The following CD8B2 variants were observed in gnomAD, a reference collection of about 807,000 sequenced individuals.
CD8B2 encodes the protein T-cell surface glycoprotein CD8 beta-2 chain.
CD8B2 carries 11 observed loss-of-function variants against 23.7 expected under a neutral mutation model. The observed-to-expected ratio is 0.46, with a 90% CI of 0.29 to 0.77. The LOEUF is 0.77. Ranked by LOEUF, CD8B2 falls within the 30% of genes least tolerant of loss-of-function variation. The pLI, the probability that CD8B2 is intolerant of heterozygous loss-of-function variation, is 0.09. For missense variants in CD8B2, 197 were observed against 270.5 expected (o/e 0.73, Z 1.91); for synonymous variants, 90 against 109.3 (o/e 0.82, Z 1.10).
At chr2:106,518,160 C>T (rs572412175) in intron 5 of CD8B2, among the ~76,000 whole-genome samples, 1 of 152,232 alleles carries the variant, frequency 6.6e-6, no homozygotes, top group East Asian at 1.9e-4. Flanking sequence ...AGGTAGTAAA[C>T]ATTTATTTGA....
chr2:106,529,772 C>T (rs961278966), intron 5 of CD8B2, among the ~76,000 whole-genome samples: 14 of 152,136 alleles, frequency 9.2e-5, no homozygotes, highest in African/African-American at 3.4e-4. Context: ...TGAACAGGCT[C>T]AAAAGAAGAT....
chr2:106,497,413 TAC>T (rs919165382), intron 3 of CD8B2, among the ~76,000 whole-genome samples: 56 of 151,922 alleles, frequency 3.7e-4, no homozygotes, highest in African/African-American at 1.3e-3. Flanking sequence ...TGTACGCACA[TAC>T]ACACACACAC....
At chr2:106,529,732 G>T (rs1218293416) in intron 5 of CD8B2, among the ~76,000 whole-genome samples, 1 of 152,190 alleles carries the variant, frequency 6.6e-6, no homozygotes, top group Non-Finnish European at 1.5e-5. Flanking sequence ...CTGGAAGTTG[G>T]GACTGACACC....
At chr2:106,528,768 A>T (rs1317037910) in intron 5 of CD8B2, among the ~76,000 whole-genome samples, 1 of 152,206 alleles carries the variant, frequency 6.6e-6, no homozygotes, top group Non-Finnish European at 1.5e-5. Context: ...TTCCCTTCAG[A>T]TGTTCAGCAT....
At chr2:106,515,604 C>T (rs540372708), downstream of CD8B2, among the ~76,000 whole-genome samples, 11 of 152,250 alleles carry the variant, frequency 7.2e-5, no homozygotes, top group East Asian at 1.2e-3. Context: ...GCACTTTGAT[C>T]GTGGCCTTCC....
intron 4 of CD8B2, among the ~76,000 whole-genome samples, chr2:106,502,817 C>G (rs2104557620): frequency 6.6e-6 from 1 of 152,064 alleles, no homozygotes; most frequent in Non-Finnish European, 1.5e-5. Flanking sequence ...GCCCCGGTCT[C>G]TCTGAGCCTC....
chr2:106,529,016 C>T (rs1679954437), intron 5 of CD8B2, among the ~76,000 whole-genome samples: 1 of 152,248 alleles, frequency 6.6e-6, no homozygotes, highest in South Asian at 2.1e-4. Flanking sequence ...TAGGACCTGG[C>T]AAGTGTGGAA....
chr2:106,532,081 C>G (rs1487438492), intron 5 of CD8B2, among the ~76,000 whole-genome samples: 1 of 152,242 alleles, frequency 6.6e-6, no homozygotes. Flanking sequence ...AGATTCAGCT[C>G]AGTCTAACAT....
rs146804069 is a variant in CD8B2, at chr2:106,532,769, C to T, written c.621-11223C>T. Among the ~76,000 whole-genome samples the T allele has an allele frequency of 4.7e-3, 717 of 152,322 alleles. 3 individuals are homozygous for T. Among genetic ancestry groups the T allele is most frequent in the Non-Finnish European group, 8.4e-3 (572 of 68,028 alleles). On this transcript the variant is annotated intron_variant, in intron 5 of 5. Transcript: ENST00000416057. ...GAGGTCGACCAGAGGTCACTCTCAT[C>T]GCCATCTTGGTTTTTGTGGGCTTTG...
At chr2:106,531,790 C>T (rs186236265) in intron 5 of CD8B2, among the ~76,000 whole-genome samples, 12 of 152,326 alleles carry the variant, frequency 7.9e-5, no homozygotes, top group African/African-American at 2.4e-4. Flanking sequence ...TCTTCCCCAA[C>T]CTTTTCCTCA....
At chr2:106,537,633 C>G (rs1003805655) in intron 5 of CD8B2, among the ~76,000 whole-genome samples, 2 of 152,012 alleles carry the variant, frequency 1.3e-5, no homozygotes, top group Non-Finnish European at 2.9e-5. Flanking sequence ...TCTCTAAACA[C>G]CAGATTGTAG....
chr2:106,487,649 T>A (rs1025474557), intron 1 of CD8B2, among the ~76,000 whole-genome samples, 180 bp downstream of exon 1: 5 of 152,052 alleles, frequency 3.3e-5, no homozygotes, highest in African/African-American at 1.2e-4. Context: ...AATACCCCCA[T>A]ATCGCATTAC....
chr2:106,505,522 CT>C (rs1679487786), intron 5 of CD8B2, among the ~76,000 whole-genome samples: 1 of 152,206 alleles, frequency 6.6e-6, no homozygotes, highest in Non-Finnish European at 1.5e-5. Context: ...CCCAGGACCC[CT>C]GAGTCAGAGC....
At chr2:106,533,976 A>T (rs986854560) in intron 5 of CD8B2, among the ~76,000 whole-genome samples, 12 of 152,354 alleles carry the variant, frequency 7.9e-5, no homozygotes, top group Non-Finnish European at 4.4e-5. Context: ...GCTAATCTTC[A>T]CTGAGCACTT....
intron 5 of CD8B2, among the ~76,000 whole-genome samples, chr2:106,522,965 A>G (rs1438652885): frequency 6.6e-6 from 1 of 152,082 alleles, no homozygotes; most frequent in African/African-American, 2.4e-5. Flanking sequence ...ACTTGACTTA[A>G]AGTTCTGCTA....
intron 1 of CD8B2, 109 bp downstream of exon 1, chr2:106,487,578 C>T (rs568402635): frequency 6.4e-4 from 417 of 654,868 alleles, no homozygotes; most frequent in Non-Finnish European, 7.7e-4. Flanking sequence ...AGCGTCGAGC[C>T]CGCGGTGGCG....
At chr2:106,496,910 T>C (rs1384879026) in intron 3 of CD8B2, among the ~76,000 whole-genome samples, 4 of 152,226 alleles carry the variant, frequency 2.6e-5, no homozygotes, top group Non-Finnish European at 5.9e-5. Context: ...AAGGGGACTT[T>C]ATGAGTAAAT....
At chr2:106,526,796 T>C (rs1173797619) in intron 5 of CD8B2, among the ~76,000 whole-genome samples, 1 of 152,142 alleles carries the variant, frequency 6.6e-6, no homozygotes, top group Non-Finnish European at 1.5e-5. Flanking sequence ...ATTACAGGCA[T>C]GTGCCACCAT....
intron 5 of CD8B2, among the ~76,000 whole-genome samples, chr2:106,525,563 T>C (rs1428704406): frequency 6.6e-6 from 1 of 152,214 alleles, no homozygotes; most frequent in Non-Finnish European, 1.5e-5. Context: ...CCATTATAGA[T>C]AGTGTTCTAC....
Sources: allele counts gnomAD v4.1 joint callset (sites outside exome capture counted in the v4.1 genomes callset), GRCh38; gene constraint gnomAD v4.1.1; transcripts MANE v1.5; gene names NCBI Gene and HGNC (gene_info 2026-07-23, HGNC 2026-07-21).